Variants in LRRC4C observed in about 807,000 individuals in gnomAD.
LRRC4C encodes leucine rich repeat containing 4C.
Under a neutral mutation model 33.6 loss-of-function variants are expected in LRRC4C, and 5 were observed. The observed-to-expected ratio is 0.15, with a 90% confidence interval of 0.08 to 0.31. LRRC4C has a LOEUF of 0.31. Among genes scored for constraint, LRRC4C ranks in the 10% least tolerant of loss-of-function variants. The pLI is 1.00. For synonymous variants in LRRC4C, 329 were observed against 302.0 expected (o/e 1.09, Z -0.93); for missense variants, 560 against 796.7 (o/e 0.70, Z 3.58).
At chr11:40,404,231 A>T (rs2137572153) in intron 3 of LRRC4C, among the ~76,000 whole-genome samples, 1 of 152,200 alleles carries the variant, frequency 6.6e-6, no homozygotes, top group East Asian at 1.9e-4. Flanking sequence ...TCACTCCCAG[A>T]ATCCTAGCTG....
intron 2 of LRRC4C, among the ~76,000 whole-genome samples, chr11:40,844,472 C>A (rs2135680927): frequency 6.6e-6 from 1 of 152,160 alleles, no homozygotes; most frequent in East Asian, 1.9e-4. Context: ...CTTCTCTTTC[C>A]TTTGGACATT....
intron 3 of LRRC4C, among the ~76,000 whole-genome samples, chr11:40,467,969 C>A (rs886320882): frequency 6.6e-6 from 1 of 152,158 alleles, no homozygotes; most frequent in Non-Finnish European, 1.5e-5. Context: ...AATGACAAGG[C>A]TGTGCAAATT....
intron 4 of LRRC4C, among the ~76,000 whole-genome samples, chr11:40,267,249 C>G (rs954730572): frequency 6.6e-6 from 1 of 152,138 alleles, no homozygotes; most frequent in African/African-American, 2.4e-5. Context: ...AATATGTTAA[C>G]TTACTAAGTT....
chr11:40,929,480 T>G (rs2861993), intron 2 of LRRC4C, among the ~76,000 whole-genome samples: 39,872 of 152,120 alleles, frequency 0.26, 5,399 homozygotes, highest in East Asian at 0.34. Flanking sequence ...ACACAAAAAA[T>G]TAAATGGGGA....
intron 1 of LRRC4C, among the ~76,000 whole-genome samples, chr11:40,936,552 G>A (rs1381549284): frequency 6.6e-6 from 1 of 151,670 alleles, no homozygotes; most frequent in Non-Finnish European, 1.5e-5. Context: ...TCGCCAGGAT[G>A]GTCTCGATCT....
At chr11:41,237,140 T>A (rs1948060041) in intron 1 of LRRC4C, among the ~76,000 whole-genome samples, 1 of 152,208 alleles carries the variant, frequency 6.6e-6, no homozygotes. Flanking sequence ...TTTACTCAAA[T>A]GCTTTAACAA....
intron 2 of LRRC4C, among the ~76,000 whole-genome samples, chr11:40,823,186 A>G (rs773505861): frequency 2.6e-5 from 4 of 151,830 alleles, no homozygotes; most frequent in Non-Finnish European, 5.9e-5. Context: ...AAATGACATC[A>G]ACCATACACC....
At chr11:40,614,777 G>A (rs1283263045) in intron 3 of LRRC4C, among the ~76,000 whole-genome samples, 1 of 151,502 alleles carries the variant, frequency 6.6e-6, no homozygotes, top group Non-Finnish European at 1.5e-5. Context: ...TGTAGTTCAG[G>A]GAATAAGGAG....
intron 6 of LRRC4C, among the ~76,000 whole-genome samples, chr11:40,139,333 C>T (rs1857205684): frequency 6.6e-6 from 1 of 152,154 alleles, no homozygotes; most frequent in Non-Finnish European, 1.5e-5. Flanking sequence ...GACTGCAATT[C>T]ACAAGCTGTT....
chr11:41,165,868 A>G (rs1411894807), intron 1 of LRRC4C, among the ~76,000 whole-genome samples: 1 of 152,006 alleles, frequency 6.6e-6, no homozygotes, highest in African/African-American at 2.4e-5. Flanking sequence ...CATCTCTACT[A>G]AAAATACAAA....
At chr11:40,881,205 T>C (rs1715579307) in intron 2 of LRRC4C, among the ~76,000 whole-genome samples, 1 of 152,100 alleles carries the variant, frequency 6.6e-6, no homozygotes, top group Non-Finnish European at 1.5e-5. Flanking sequence ...CCCATCTCAG[T>C]GCTTTATAAT....
At chr11:41,010,760 C>T (rs776393122) in intron 1 of LRRC4C, among the ~76,000 whole-genome samples, 3 of 152,180 alleles carry the variant, frequency 2.0e-5, no homozygotes, top group Non-Finnish European at 4.4e-5. Context: ...CAGGACTTTC[C>T]TGCCCCATTG....
chr11:41,081,237 G>A (rs1344759148), intron 1 of LRRC4C, among the ~76,000 whole-genome samples: 6 of 152,208 alleles, frequency 3.9e-5, no homozygotes, highest in African/African-American at 1.2e-4. Flanking sequence ...GAATGGGAAT[G>A]CATGTTGGGA....
chr11:40,626,858 A>G (rs996978253), intron 3 of LRRC4C, among the ~76,000 whole-genome samples: 1 of 152,122 alleles, frequency 6.6e-6, no homozygotes, highest in African/African-American at 2.4e-5. Context: ...GGGGCTCTCT[A>G]TCTCAGTGCC....
At chr11:40,696,766 A>ATC (rs1945577216) in intron 2 of LRRC4C, among the ~76,000 whole-genome samples, 1 of 132,976 alleles carries the variant, frequency 7.5e-6, no homozygotes, top group African/African-American at 2.8e-5. Context: ...ATATATATAT[A>ATC]TATATATATC....
intron 1 of LRRC4C, among the ~76,000 whole-genome samples, chr11:41,241,846 C>T (rs981991937): frequency 6.6e-6 from 1 of 152,048 alleles, no homozygotes; most frequent in African/African-American, 2.4e-5. Context: ...CAGTGCAAGC[C>T]CAGTCAGTGA....
chr11:40,893,811 G>A (rs1288713748), intron 2 of LRRC4C, among the ~76,000 whole-genome samples: 2 of 107,352 alleles, frequency 1.9e-5, no homozygotes, highest in Admixed American at 1.0e-4. Context: ...TTTTAGTTAC[G>A]TATTATAACA....
chr11:41,255,256 A>T (rs1948763039), intron 1 of LRRC4C, among the ~76,000 whole-genome samples: 1 of 152,032 alleles, frequency 6.6e-6, no homozygotes, highest in Non-Finnish European at 1.5e-5. Flanking sequence ...GTTTGTCTTT[A>T]ACCTTCAGAA....
At chr11:41,112,818 T>C (rs1298407409) in intron 1 of LRRC4C, among the ~76,000 whole-genome samples, 1 of 152,114 alleles carries the variant, frequency 6.6e-6, no homozygotes, top group Non-Finnish European at 1.5e-5. Flanking sequence ...ATCATGATTT[T>C]CCTCATTGAA....
Sources: allele counts gnomAD v4.1 joint callset (sites outside exome capture counted in the v4.1 genomes callset), GRCh38; gene constraint gnomAD v4.1.1; transcripts MANE v1.5; gene names NCBI Gene and HGNC (gene_info 2026-07-23, HGNC 2026-07-21).